PXDNL: variants seen among roughly 807,000 people sequenced by gnomAD.
PXDNL encodes the protein probable oxidoreductase PXDNL.
Under a neutral mutation model 150.8 loss-of-function variants are expected in PXDNL, and 145 were observed. That is an observed-to-expected ratio of 0.96 (90% CI 0.84 to 1.10). The LOEUF is 1.10. Ranked by LOEUF, PXDNL falls within the 50% of genes least tolerant of loss-of-function variation. The probability of loss-of-function intolerance (pLI) is 0.00; values close to 1 mark genes in which losing one functional copy is unlikely to be tolerated. For missense variants in PXDNL, 2,087 were observed against 1,873.9 expected, an observed-to-expected ratio of 1.11 and a Z score of -2.10; for synonymous variants, 757 against 725.7, an observed-to-expected ratio of 1.04 and a Z score of -0.69.
At chr8:51,456,268 T>C (rs1274300040) in intron 9 of PXDNL, among the ~76,000 whole-genome samples, 1 of 152,226 alleles carries the variant, frequency 6.6e-6, no homozygotes, top group African/African-American at 2.4e-5. Context: ...GCCTCTCCTC[T>C]GTATGCTCCA....
intron 5 of PXDNL, among the ~76,000 whole-genome samples, chr8:51,485,116 GTTTTGGCTTTATGT>G (rs1299728201): frequency 6.6e-6 from 1 of 152,136 alleles, no homozygotes; most frequent in African/African-American, 2.4e-5. Context: ...TCTTATCAGT[GTTTTGGCTTTATGT>G]TTTTGGCTTT....
At chr8:51,805,775 G>C (rs1388653511) in intron 1 of PXDNL, among the ~76,000 whole-genome samples, 4 of 152,154 alleles carry the variant, frequency 2.6e-5, no homozygotes, top group African/African-American at 9.6e-5. Context: ...TTCTAATCAA[G>C]GTGGTTTTTA....
At chr8:51,654,898 T>A in intron 1 of PXDNL, 138 bp from the exon 2 acceptor site, 1 of 690,972 alleles carries the variant, frequency 1.4e-6, no homozygotes, top group Non-Finnish European at 2.5e-6. Flanking sequence ...AAGACAGAAC[T>A]AGTGCACATC....
intron 19 of PXDNL, among the ~76,000 whole-genome samples, chr8:51,370,749 A>G (rs567026618): frequency 6.6e-6 from 1 of 152,286 alleles, no homozygotes; most frequent in South Asian, 2.1e-4. Flanking sequence ...GGTACCCATC[A>G]TCACGCCTGG....
chr8:51,713,518 T>C (rs1275437425), intron 1 of PXDNL, among the ~76,000 whole-genome samples: 2 of 152,316 alleles, frequency 1.3e-5, no homozygotes, highest in East Asian at 3.9e-4. Flanking sequence ...GCCAACGTTG[T>C]CCTCACACCT....
At chr8:51,361,960 A>AAAAAAAAAAAG (rs1563374211) in intron 19 of PXDNL, among the ~76,000 whole-genome samples, 3 of 148,896 alleles carry the variant, frequency 2.0e-5, no homozygotes, top group Admixed American at 6.7e-5. Context: ...AAAAAAAAAA[A>AAAAAAAAAAAG]AAAAAGAAAA....
chr8:51,711,161 GAT>G (rs1326938171), intron 1 of PXDNL, among the ~76,000 whole-genome samples: 1 of 149,636 alleles, frequency 6.7e-6, no homozygotes, highest in African/African-American at 2.6e-5. Flanking sequence ...TTATTTTTGA[GAT>G]AGAGTCTTGC....
At chr8:51,369,815 C>T (rs189351039) in intron 19 of PXDNL, among the ~76,000 whole-genome samples, 1 of 152,262 alleles carries the variant, frequency 6.6e-6, no homozygotes, top group Admixed American at 6.5e-5. Flanking sequence ...AACTCAAGAC[C>T]CCAACCCTCC....
chr8:51,393,923 G>A (rs1045727618), intron 17 of PXDNL, among the ~76,000 whole-genome samples: 1 of 152,196 alleles, frequency 6.6e-6, no homozygotes, highest in South Asian at 2.1e-4. Flanking sequence ...CATTAAATCT[G>A]TCTTTTTTTA....
intron 2 of PXDNL, among the ~76,000 whole-genome samples, chr8:51,602,596 G>A (rs1000825505): frequency 5.9e-5 from 9 of 151,728 alleles, no homozygotes; most frequent in Non-Finnish European, 2.9e-5. Context: ...TGAAACAAAT[G>A]TTATTTGAAA....
intron 17 of PXDNL, among the ~76,000 whole-genome samples, chr8:51,403,472 A>T (rs1808331321): frequency 6.6e-6 from 1 of 152,156 alleles, no homozygotes; most frequent in South Asian, 2.1e-4. Context: ...CTTAGAAAAA[A>T]GTGTCAGCTT....
At chr8:51,388,085 A>G (rs1807777109) in intron 17 of PXDNL, among the ~76,000 whole-genome samples, 2 of 152,134 alleles carry the variant, frequency 1.3e-5, no homozygotes, top group Non-Finnish European at 2.9e-5. Context: ...TATATATTCC[A>G]TAATACTGTA....
chr8:51,440,848 G>T (rs769176055), intron 12 of PXDNL, among the ~76,000 whole-genome samples: 9 of 152,154 alleles, frequency 5.9e-5, no homozygotes, highest in Non-Finnish European at 1.0e-4. Context: ...ATGTGTCCCA[G>T]CCATGAGGTG....
At chr8:51,338,522 T>C (rs2130672845) in intron 21 of PXDNL, among the ~76,000 whole-genome samples, 1 of 152,344 alleles carries the variant, frequency 6.6e-6, no homozygotes, top group Non-Finnish European at 1.5e-5. Flanking sequence ...GTCAGGCCAA[T>C]AGTGAGGGCA....
rs2037081589 is a variant in PXDNL at position 51,754,711 on chromosome 8, G to A, written c.164+54470C>T. ...GTAGAGATACGGTTTCACCGTGTTAGGTAGGATGGTCTCGATCTCCTGACC... is the reference window on the plus strand; with the variant it reads ...GTAGAGATACGGTTTCACCGTGTTAAGTAGGATGGTCTCGATCTCCTGACC... On this transcript the variant is annotated intron_variant, in intron 1 of 22. Transcript: ENST00000356297. Among the ~76,000 whole-genome samples the A allele has an allele frequency of 3.9e-5, 6 of 152,000 alleles. No homozygotes were observed. The South Asian group carries it at 1.2e-3, about 32-fold the overall frequency.
chr8:51,699,487 T>C (rs1367401381), intron 1 of PXDNL, among the ~76,000 whole-genome samples: 3 of 152,230 alleles, frequency 2.0e-5, no homozygotes, highest in African/African-American at 7.2e-5. Flanking sequence ...TGCTCTTCTA[T>C]GCAGATTTCT....
Position 51,770,147 on chromosome 8 carries a change from C to T in PXDNL, c.164+39034G>A, listed in dbSNP as rs2037277311. On this transcript the variant is annotated intron_variant, in intron 1 of 22. Transcript: ENST00000356297. Reference sequence around the variant, plus strand: ...CTATCCCATAAATGTCCCTAAAACACCATCTCCAAGGAGACAGATTTGAGA... The same window carrying T: ...CTATCCCATAAATGTCCCTAAAACATCATCTCCAAGGAGACAGATTTGAGA... Among the ~76,000 whole-genome samples, 3 of 152,214 alleles carry T rather than the reference C, an allele frequency of 2.0e-5. No homozygotes were observed. The South Asian group carries it at 6.2e-4, about 32-fold the overall frequency.
intron 4 of PXDNL, among the ~76,000 whole-genome samples, chr8:51,530,120 G>A (rs535316223): frequency 5.5e-4 from 83 of 152,282 alleles, no homozygotes; most frequent in African/African-American, 1.9e-3. Context: ...TGTGGGGTTG[G>A]CAGCTGGGTG....
intron 21 of PXDNL, among the ~76,000 whole-genome samples, chr8:51,329,502 C>A (rs1176774788): frequency 6.6e-6 from 1 of 152,020 alleles, no homozygotes; most frequent in African/African-American, 2.4e-5. Context: ...AAGGCGTGCT[C>A]CAAAGGAAGG....
Sources: allele counts gnomAD v4.1 joint callset (sites outside exome capture counted in the v4.1 genomes callset), GRCh38; gene constraint gnomAD v4.1.1; transcripts MANE v1.5; gene names NCBI Gene and HGNC (gene_info 2026-07-23, HGNC 2026-07-21).